MYOF: variants seen among roughly 807,000 people sequenced by gnomAD.
MYOF encodes the protein myoferlin.
MYOF carries 244 observed loss-of-function variants against 284.2 expected under a neutral mutation model. That is an observed-to-expected ratio of 0.86 (90% CI 0.77 to 0.95). MYOF has a LOEUF of 0.95. Among genes scored for constraint, MYOF ranks in the 40% least tolerant of loss-of-function variants. The pLI is 0.00. For missense variants in MYOF, 2,496 were observed against 2,560.6 expected (o/e 0.97, Z 0.54); for synonymous variants, 904 against 919.7 (o/e 0.98, Z 0.31).
rs748097920 is a variant in MYOF at position 93,351,438 on chromosome 10, G to T, written c.3797C>A (p.Thr1266Asn). The change falls in exon 34 of 54, where the codon ACT becomes AAT. Residue 1266 changes from threonine to asparagine, a missense_variant. By Grantham distance (65) the Thr-to-Asn change is moderately conservative (BLOSUM62 0). Transcript: ENST00000359263. ...CTTGCCCCTCAGAATCAGCTCTGCA[G>T]TTACAAGAACATCCCCGCAGGCTTT... The part of the protein sequence containing the change: ...GDKACGDVLV[T>N]AELILRGKDG... The T allele has an allele frequency of 6.2e-7, 1 of 1,614,094 alleles. No homozygotes were observed. Among genetic ancestry groups the T allele is most frequent in the Non-Finnish European group, 8.5e-7 (1 of 1,180,054 alleles).
intron 48 of MYOF, among the ~76,000 whole-genome samples, chr10:93,320,969 C>T (rs1158482447): frequency 1.3e-5 from 2 of 152,046 alleles, no homozygotes; most frequent in Non-Finnish European, 2.9e-5. Flanking sequence ...ATGATATGTG[C>T]GCCCTTCACA....
chr10:93,309,155 G>A (rs1010720857), intron 53 of MYOF, among the ~76,000 whole-genome samples: 2 of 152,142 alleles, frequency 1.3e-5, no homozygotes, highest in Admixed American at 6.5e-5. Flanking sequence ...TCCCCTCCTT[G>A]GAGGAACTGT....
In MYOF at chr10:93,369,912, A is replaced by T. The variant is rs1007292520; in HGVS notation, c.2458-136T>A. 1.2e-5 allele frequency: 13 copies of T among 1,103,422 alleles called. No homozygotes were observed. In the African/African-American group the frequency reaches 1.9e-4, roughly 16 times the overall value. The allele number at this position is 1,103,422 out of a possible 1,614,324, so 68.4% of individuals were successfully genotyped here. ...ATTTTATGTTTGCTTCAGTTAAAAC[A>T]TTTCCAGATGACCCTACAGCAAAGA... On this transcript the variant is annotated intron_variant, in intron 24 of 53. Transcript: ENST00000359263.
intron 5 of MYOF, among the ~76,000 whole-genome samples, chr10:93,416,480 G>T (rs994210076): frequency 1.3e-5 from 2 of 151,836 alleles, no homozygotes; most frequent in Admixed American, 6.6e-5. Context: ...CCGAGATCGC[G>T]CCACTGCACT....
At chr10:93,334,022 G>T in intron 41 of MYOF, 109 bp from the exon 42 acceptor site, 2 of 1,085,726 alleles carry the variant, frequency 1.8e-6, no homozygotes, top group Non-Finnish European at 2.6e-6. Context: ...ATGGAAGGCT[G>T]CCTTTTGTGA....
chr10:93,452,602 G>GT (rs2056624470), intron 2 of MYOF, among the ~76,000 whole-genome samples: 1 of 151,190 alleles, frequency 6.6e-6, no homozygotes, highest in African/African-American at 2.4e-5. Context: ...TACACCTAAT[G>GT]TAAATGATGA....
chr10:93,307,637 T>C (rs1842178134), intron 53 of MYOF, among the ~76,000 whole-genome samples: 3 of 150,920 alleles, frequency 2.0e-5, no homozygotes, highest in Admixed American at 1.3e-4. Flanking sequence ...TTTTTTTTTT[T>C]TTTTGAGACG....
chr10:93,354,703 T>TCTCTCTCTCTCTCTCTCTCTG (rs1243618498), intron 31 of MYOF, among the ~76,000 whole-genome samples: 4 of 70,760 alleles, frequency 5.7e-5, no homozygotes, highest in Admixed American at 1.2e-4. Flanking sequence ...CTCTCTCTCT[T>TCTCTCTCTCTCTCTCTCTCTG]TGTGAGATAG....
In MYOF at chr10:93,310,517, C is replaced by A. The variant is rs1282583342; in HGVS notation, c.5999+17G>T. Reference sequence around the variant, plus strand: ...TGCAGGTGTTTGGGGAGTGGGAGAACAAAGAAGGCCTCTCACTTTGGTAAG... The same window carrying A: ...TGCAGGTGTTTGGGGAGTGGGAGAAAAAAGAAGGCCTCTCACTTTGGTAAG... On this transcript the variant is annotated intron_variant, in intron 52 of 53. Transcript: ENST00000359263. The A allele has an allele frequency of 6.2e-7, 1 of 1,612,060 alleles. No homozygotes were observed. The highest frequency in any genetic ancestry group is 1.7e-5 in the Admixed American group (1 of 59,960).
chr10:93,339,921 T>C (rs1432504834), intron 39 of MYOF, among the ~76,000 whole-genome samples: 2 of 151,920 alleles, frequency 1.3e-5, no homozygotes, highest in African/African-American at 4.8e-5. Flanking sequence ...CTACTAAAAA[T>C]ACAAAAAATT....
Position 93,310,135 on chromosome 10 carries a change from T to C in MYOF, c.6032A>G (p.Asn2011Ser), listed in dbSNP as rs1842316525. 6.2e-7 allele frequency: 1 copy of C among 1,614,140 alleles called. No individual in the cohort carries two copies. Among genetic ancestry groups the C allele is most frequent in the Non-Finnish European group, 8.5e-7 (1 of 1,179,998 alleles). ...RPETSFLWFT[N>S]PCKTMKFIVW... ...GATGAACTTCATGGTCTTGCATGGG[T>C]TGGTGAACCAGAGGAAGGAGGTTTC... The change falls in exon 53 of 54, where the codon AAC becomes AGC. Residue 2011 changes from asparagine (N) to serine (S), a missense_variant. Transcript: ENST00000359263.
intron 16 of MYOF, among the ~76,000 whole-genome samples, chr10:93,395,211 G>A (rs532539855): frequency 1.3e-5 from 2 of 152,300 alleles, no homozygotes; most frequent in East Asian, 3.9e-4. Flanking sequence ...TTGGGAGGCC[G>A]AGGAGGGTGG....
intron 5 of MYOF, among the ~76,000 whole-genome samples, chr10:93,425,312 C>T (rs995023287): frequency 2.6e-5 from 4 of 152,024 alleles, no homozygotes; most frequent in East Asian, 3.9e-4. Flanking sequence ...GGACACATGC[C>T]GAGACTGTGC....
intron 3 of MYOF, among the ~76,000 whole-genome samples, chr10:93,451,402 A>C (rs151174257): frequency 3.0e-4 from 46 of 152,312 alleles, no homozygotes; most frequent in African/African-American, 1.1e-3. Flanking sequence ...TGGGTCTACA[A>C]GGCCAAAGTC....
At chr10:93,307,567 T>TG (rs1842172171) in intron 53 of MYOF, among the ~76,000 whole-genome samples, 1 of 151,840 alleles carries the variant, frequency 6.6e-6, no homozygotes, top group Admixed American at 6.6e-5. Context: ...CCAAACATGG[T>TG]GGGATTACAG....
At chr10:93,309,005 C>T (rs1842263781) in intron 53 of MYOF, among the ~76,000 whole-genome samples, 1 of 152,154 alleles carries the variant, frequency 6.6e-6, no homozygotes, top group Non-Finnish European at 1.5e-5. Context: ...AGCCACCTCG[C>T]CCAGCTGATA....
chr10:93,401,816 TGTGTGTGTGTGTGTGA>T (rs778383405), intron 11 of MYOF, among the ~76,000 whole-genome samples: 11,334 of 97,284 alleles, frequency 0.12, 534 homozygotes, highest in African/African-American at 0.17. Context: ...TGTGTGTGTG[TGTGTGTGTGTGTGTGA>T]TCCTGATGTC....
intron 43 of MYOF, among the ~76,000 whole-genome samples, chr10:93,332,871 T>C (rs1843394947): frequency 6.6e-6 from 1 of 151,940 alleles, no homozygotes; most frequent in Non-Finnish European, 1.5e-5. Flanking sequence ...GGAATAATAA[T>C]AGCACCTCAG....
At chr10:93,318,873 A>T (rs986528812) in intron 49 of MYOF, among the ~76,000 whole-genome samples, 20 of 152,104 alleles carry the variant, frequency 1.3e-4, no homozygotes, top group Admixed American at 4.6e-4. Context: ...GTGTGGGGAG[A>T]GGAGGAAGCT....
Sources: allele counts gnomAD v4.1 joint callset (sites outside exome capture counted in the v4.1 genomes callset), GRCh38; gene constraint gnomAD v4.1.1; transcripts MANE v1.5; gene names NCBI Gene and HGNC (gene_info 2026-07-23, HGNC 2026-07-21).